The following MSRA variants were observed in gnomAD, a reference collection of about 807,000 sequenced individuals.
MSRA encodes the protein methionine sulfoxide reductase A, also known as mitochondrial peptide methionine sulfoxide reductase.
MSRA carries 54 observed loss-of-function variants against 31.3 expected under a neutral mutation model. That is an observed-to-expected ratio of 1.73 (90% CI 1.39 to 2.17). The LOEUF (loss-of-function observed/expected upper bound fraction) is 2.17, where lower values mean the gene tolerates loss of function less well. MSRA is among the 30% of genes most tolerant of loss of function. The pLI, the probability that MSRA is intolerant of heterozygous loss-of-function variation, is 0.00. For synonymous variants in MSRA, 169 were observed against 116.5 expected (o/e 1.45, Z -2.90); for missense variants, 507 against 300.9 (o/e 1.69, Z -5.07).
chr8:10,129,066 T>G (rs928896135), intron 1 of MSRA, among the ~76,000 whole-genome samples: 1 of 152,224 alleles, frequency 6.6e-6, no homozygotes, highest in Non-Finnish European at 1.5e-5. Context: ...TCTTCGCAGT[T>G]CTATTTTATG....
intron 1 of MSRA, among the ~76,000 whole-genome samples, chr8:10,100,522 C>G (rs577106181): frequency 6.6e-6 from 1 of 152,008 alleles, no homozygotes; most frequent in East Asian, 1.9e-4. Flanking sequence ...ACCATGGAGT[C>G]TAGGGGGCTA....
Position 10,245,108 on chromosome 8 carries a change from G to A in MSRA, c.216G>A (p.Met72Ile), listed in dbSNP as rs199595787. ...PEGTQMAVFG[M>I]GCFWGAERKF... Reference sequence around the variant, plus strand: ...TTTTCTTTTTTCTTTTTTAAGGAATGGGATGTTTCTGGGGAGCTGAAAGGA... The same window carrying A: ...TTTTCTTTTTTCTTTTTTAAGGAATAGGATGTTTCTGGGGAGCTGAAAGGA... Residue 72 changes from methionine (M) to isoleucine (I), a missense_variant, in exon 3 of 6, where the codon ATG (methionine) becomes ATA (isoleucine). By Grantham distance (10) the Met-to-Ile change is conservative (BLOSUM62 1). Transcript: ENST00000317173. 9.9e-6 allele frequency: 16 copies of A among 1,610,900 alleles called. No individual in the cohort carries two copies. Among genetic ancestry groups the A allele is most frequent in the Middle Eastern group, 1.6e-4 (1 of 6,066 alleles).
chr8:10,417,449 C>T (rs894631553), intron 5 of MSRA, among the ~76,000 whole-genome samples: 3 of 152,078 alleles, frequency 2.0e-5, no homozygotes, highest in Non-Finnish European at 4.4e-5. Context: ...CACACACATA[C>T]GCACACTCCA....
intron 3 of MSRA, among the ~76,000 whole-genome samples, chr8:10,299,003 CCT>C (rs1563324167): frequency 6.6e-6 from 1 of 152,016 alleles, no homozygotes; most frequent in South Asian, 2.1e-4. Context: ...GTGATTTTAC[CCT>C]GTCACTAGCC....
At chr8:10,218,983 C>G (rs1451589052) in intron 2 of MSRA, among the ~76,000 whole-genome samples, 1 of 152,198 alleles carries the variant, frequency 6.6e-6, no homozygotes, top group Non-Finnish European at 1.5e-5. Flanking sequence ...CTCTCTCGTT[C>G]TTTCCCCAGA....
chr8:10,084,590 C>T (rs1416303546), intron 1 of MSRA, among the ~76,000 whole-genome samples: 1 of 152,230 alleles, frequency 6.6e-6, no homozygotes, highest in Non-Finnish European at 1.5e-5. Context: ...GGGCAAGTTA[C>T]ATGACCTTGG....
chr8:10,284,527 A>C (rs1799830532), intron 3 of MSRA, among the ~76,000 whole-genome samples: 1 of 152,184 alleles, frequency 6.6e-6, no homozygotes, highest in East Asian at 1.9e-4. Flanking sequence ...GGTTTACAGA[A>C]ACCTTTAAAA....
chr8:10,232,307 T>C (rs2129073837), intron 2 of MSRA, among the ~76,000 whole-genome samples: 1 of 152,202 alleles, frequency 6.6e-6, no homozygotes, highest in East Asian at 1.9e-4. Flanking sequence ...ACCCCATCTG[T>C]TGTTGGAGGG....
intron 4 of MSRA, among the ~76,000 whole-genome samples, chr8:10,312,288 A>C (rs1275701455): frequency 1.3e-5 from 2 of 152,244 alleles, no homozygotes; most frequent in African/African-American, 4.8e-5. Context: ...GGAAAAAGTG[A>C]GAAGACACAA....
chr8:10,055,521 G>A (rs552516098), intron 1 of MSRA, among the ~76,000 whole-genome samples: 20 of 152,350 alleles, frequency 1.3e-4, no homozygotes, highest in Admixed American at 1.2e-3. Context: ...ATCACCACCT[G>A]GGTGGGCGTT....
At chr8:10,310,834 C>T (rs1801395087) in intron 4 of MSRA, among the ~76,000 whole-genome samples, 1 of 152,212 alleles carries the variant, frequency 6.6e-6, no homozygotes, top group Admixed American at 6.5e-5. Context: ...GAAAACATGA[C>T]CCACTGGAAA....
At chr8:10,059,436 A>G (rs1166385813) in intron 1 of MSRA, among the ~76,000 whole-genome samples, 1 of 152,218 alleles carries the variant, frequency 6.6e-6, no homozygotes, top group African/African-American at 2.4e-5. Context: ...TGGAGCTGGG[A>G]TATGAACGTA....
intron 1 of MSRA, among the ~76,000 whole-genome samples, chr8:10,147,957 G>A (rs1398187334): frequency 6.6e-6 from 1 of 152,218 alleles, no homozygotes; most frequent in Non-Finnish European, 1.5e-5. Context: ...GGACCGGAAA[G>A]GGGAAGCGAG....
intron 1 of MSRA, among the ~76,000 whole-genome samples, chr8:10,132,675 A>T: frequency 6.6e-6 from 1 of 152,262 alleles, no homozygotes; most frequent in Non-Finnish European, 1.5e-5. Flanking sequence ...CACCTGGTAT[A>T]TTTAAAAGCC....
rs142463386 is a variant in MSRA, at chr8:10,294,726, C to T, written c.332-6808C>T. On this transcript the variant is annotated intron_variant, in intron 3 of 5. Coordinates refer to ENST00000317173, the MANE Select transcript of MSRA (RefSeq NM_012331.5). Reference sequence around the variant, plus strand: ...AGGGCTGTCATTGCACTGCGGGCTACAGCAGAGCCCAGTTCACACTGGAGG... The same window carrying T: ...AGGGCTGTCATTGCACTGCGGGCTATAGCAGAGCCCAGTTCACACTGGAGG... 1.6e-4 allele frequency among the ~76,000 whole-genome samples: 25 copies of T among 152,260 alleles called. No homozygotes were observed. In the East Asian group the frequency reaches 4.9e-3, roughly 30 times the overall value.
intron 2 of MSRA, among the ~76,000 whole-genome samples, chr8:10,215,381 CAG>C (rs1809898737): frequency 1.3e-5 from 2 of 152,200 alleles, no homozygotes; most frequent in Admixed American, 1.3e-4. Context: ...GGACTGTTGT[CAG>C]AGTGTCAGGA....
intron 2 of MSRA, among the ~76,000 whole-genome samples, chr8:10,241,387 A>G (rs1031470796): frequency 1.3e-5 from 2 of 152,192 alleles, no homozygotes; most frequent in African/African-American, 4.8e-5. Context: ...TGAAGCTTAC[A>G]TGAGAGCAGT....
chr8:10,335,224 C>G (rs1351825843), intron 5 of MSRA, among the ~76,000 whole-genome samples: 1 of 147,940 alleles, frequency 6.8e-6, no homozygotes, highest in African/African-American at 2.5e-5. Flanking sequence ...CCACCTTTTC[C>G]TTCACCCTTA....
chr8:10,105,775 G>A (rs1178785420), intron 1 of MSRA, among the ~76,000 whole-genome samples: 2 of 152,150 alleles, frequency 1.3e-5, no homozygotes, highest in Non-Finnish European at 2.9e-5. Flanking sequence ...GAGGCTCCTT[G>A]TGTATCTTTT....
Sources: gnomAD v4.1 joint callset for allele counts (sites outside exome capture counted in the v4.1 genomes callset) on GRCh38, gnomAD v4.1.1 for gene constraint, MANE v1.5 for transcripts, NCBI Gene and HGNC (gene_info 2026-07-23, HGNC 2026-07-21) for gene names.